Variants in HIKESHI observed in about 807,000 individuals in gnomAD.
The protein encoded by HIKESHI is protein Hikeshi.
A neutral mutation model predicts 25.7 loss-of-function variants in HIKESHI; 13 were observed. The observed-to-expected ratio is 0.51, with a 90% CI of 0.33 to 0.80. The LOEUF is 0.80. Ranked by LOEUF, HIKESHI falls within the 30% of genes least tolerant of loss-of-function variation. The probability of loss-of-function intolerance (pLI) is 0.02; values close to 1 mark genes in which losing one functional copy is unlikely to be tolerated. For missense variants in HIKESHI, 174 were observed against 229.5 expected (o/e 0.76, Z 1.56); for synonymous variants, 76 against 78.7 (o/e 0.97, Z 0.18).
At chr11:86,340,885 C>T (rs1947707147) in intron 3 of HIKESHI, among the ~76,000 whole-genome samples, 1 of 152,154 alleles carries the variant, frequency 6.6e-6, no homozygotes, top group Non-Finnish European at 1.5e-5. Flanking sequence ...CCTCGTGATC[C>T]ACCCACTTTG....
Position 86,310,160 on chromosome 11 carries a change from A to T in HIKESHI, c.268+3678A>T, listed in dbSNP as rs569057050. 2.3e-3 allele frequency among the ~76,000 whole-genome samples: 337 copies of T among 147,524 alleles called. 1 individual carries two copies. The highest frequency in any genetic ancestry group is 3.9e-3 in the Non-Finnish European group (263 of 66,996). On this transcript the variant is annotated intron_variant, in intron 2 of 4. Transcript: ENST00000278483. ...GAATCTATAAATTACCTTGGGCAGTATGGCCATTTTCACAATATTGATTCG... is the reference window on the plus strand; with the variant it reads ...GAATCTATAAATTACCTTGGGCAGTTTGGCCATTTTCACAATATTGATTCG...
chr11:86,342,940 T>C (rs1381298840), intron 3 of HIKESHI, among the ~76,000 whole-genome samples: 2 of 152,206 alleles, frequency 1.3e-5, no homozygotes, highest in Non-Finnish European at 2.9e-5. Flanking sequence ...TTTCATTAAA[T>C]AGTATTAGCT....
chr11:86,327,653 A>G (rs1258689996), intron 2 of HIKESHI, among the ~76,000 whole-genome samples: 1 of 152,042 alleles, frequency 6.6e-6, no homozygotes, highest in Non-Finnish European at 1.5e-5. Context: ...CAGGGAAGTT[A>G]ATTTTTTTGC....
chr11:86,319,242 A>ATATATATATATATATATATTTT (rs1383589741), intron 2 of HIKESHI, among the ~76,000 whole-genome samples: 14 of 94,934 alleles, frequency 1.5e-4, no homozygotes, highest in African/African-American at 6.5e-4. Flanking sequence ...ATATATATAT[A>ATATATATATATATATATATTTT]TTTTTTTTTT....
chr11:86,321,484 A>C (rs1456766571), intron 2 of HIKESHI, among the ~76,000 whole-genome samples: 2 of 151,722 alleles, frequency 1.3e-5, no homozygotes, highest in Non-Finnish European at 2.9e-5. Context: ...TAAATGTTTT[A>C]CCTTTTAAGA....
chr11:86,308,829 C>T (rs1463076474), intron 2 of HIKESHI, among the ~76,000 whole-genome samples: 1 of 151,822 alleles, frequency 6.6e-6, no homozygotes, highest in Non-Finnish European at 1.5e-5. Context: ...GTTTGGTTTT[C>T]TGTCCTTGCG....
rs1452706810 is a variant in HIKESHI, at chr11:86,306,340, A to G, written c.126A>G (p.Gly42=). 2 of 1,614,046 alleles carry G rather than the reference A, an allele frequency of 1.2e-6. No individual in the cohort carries two copies. The highest frequency in any genetic ancestry group is 2.2e-5 in the South Asian group (2 of 91,080). ...ACCATGTTGTGGTTTTTATGCTGGG[A>G]ACAATCCCATTTCCTGAGGGAATGG... ...SINHVVVFML[G]TIPFPEGMGG... is the part of the protein sequence containing the mutation. The change falls in exon 2 of 5, where the codon GGA becomes GGG. Residue 42 remains glycine, a synonymous_variant. Coordinates refer to ENST00000278483, the MANE Select transcript of HIKESHI (RefSeq NM_016401.4).
At chr11:86,305,181 G>T (rs886970853) in intron 1 of HIKESHI, among the ~76,000 whole-genome samples, 1 of 150,386 alleles carries the variant, frequency 6.6e-6, no homozygotes, top group Admixed American at 6.6e-5. Context: ...TGTAGTTTTT[G>T]TAGAGATCGG....
chr11:86,337,359 C>T lies in HIKESHI; in HGVS notation c.269-20C>T, dbSNP rs115288922. 2.4e-3 allele frequency: 3,935 copies of T among 1,606,184 alleles called. 93 individuals are homozygous for T. The African/African-American group carries it at 0.047, about 19-fold the overall frequency. On this transcript the variant is annotated intron_variant, in intron 2 of 4. Transcript: ENST00000278483. ...TACAAGTTTAATTTGAAATGTGTGT[C>T]ATATGTTAATTTCTTGCAGGAGAAG...
chr11:86,310,156 C>T (rs905935152), intron 2 of HIKESHI, among the ~76,000 whole-genome samples: 3 of 147,464 alleles, frequency 2.0e-5, no homozygotes, highest in Admixed American at 6.9e-5. Flanking sequence ...TTACCTTGGG[C>T]AGTATGGCCA....
At chr11:86,331,954 C>T (rs1243528093) in intron 2 of HIKESHI, among the ~76,000 whole-genome samples, 2 of 149,906 alleles carry the variant, frequency 1.3e-5, no homozygotes, top group African/African-American at 2.5e-5. Context: ...TAGTGAATTC[C>T]TTCCTTTTGC....
chr11:86,336,239 A>G lies in HIKESHI; in HGVS notation c.269-1140A>G, dbSNP rs1378154770. 2.0e-5 allele frequency among the ~76,000 whole-genome samples: 3 copies of G among 152,218 alleles called. No individual in the cohort carries two copies. The East Asian group carries it at 5.8e-4, about 29-fold the overall frequency. On this transcript the variant is annotated intron_variant, in intron 2 of 4. Coordinates refer to ENST00000278483, the MANE Select transcript of HIKESHI (RefSeq NM_016401.4). ...CTGTGAGACACCCTCAAGTGCACCA[A>G]CATGCACAGCAGACACAGTGTAATG... is the stretch of plus-strand genomic sequence containing the variant.
chr11:86,322,441 ATG>A (rs978968877), intron 2 of HIKESHI, among the ~76,000 whole-genome samples: 11 of 151,492 alleles, frequency 7.3e-5, no homozygotes, highest in East Asian at 1.9e-4. Flanking sequence ...GTATATGTAT[ATG>A]TGTGTGTGTG....
At chr11:86,307,987 TTA>T (rs1447056263) in intron 2 of HIKESHI, among the ~76,000 whole-genome samples, 1 of 115,500 alleles carries the variant, frequency 8.7e-6, no homozygotes, top group Non-Finnish European at 1.6e-5. Flanking sequence ...GTAATATATA[TTA>T]TATATAAAAT....
At chr11:86,315,126 G>A (rs1946940005) in intron 2 of HIKESHI, among the ~76,000 whole-genome samples, 2 of 152,116 alleles carry the variant, frequency 1.3e-5, no homozygotes, top group African/African-American at 4.8e-5. Flanking sequence ...GTATCTGTAA[G>A]TAGAAAAATA....
chr11:86,306,653 A>C (rs1946631288), intron 2 of HIKESHI, among the ~76,000 whole-genome samples, 171 bp downstream of exon 2: 2 of 152,112 alleles, frequency 1.3e-5, no homozygotes, highest in African/African-American at 4.8e-5. Flanking sequence ...AAATAGTGAA[A>C]GACTTCCTGG....
At chr11:86,330,442 A>C (rs1193639633) in intron 2 of HIKESHI, among the ~76,000 whole-genome samples, 1 of 152,220 alleles carries the variant, frequency 6.6e-6, no homozygotes, top group Non-Finnish European at 1.5e-5. Context: ...CATGCAAGGG[A>C]GTTAGATAAC....
chr11:86,318,296 T>C, intron 2 of HIKESHI, among the ~76,000 whole-genome samples: 1 of 23,526 alleles, frequency 4.3e-5, no homozygotes. Flanking sequence ...AGAGCAAGAC[T>C]CCGTCTCAAA....
chr11:86,316,709 T>A (rs1177937933), intron 2 of HIKESHI, among the ~76,000 whole-genome samples: 2 of 150,886 alleles, frequency 1.3e-5, no homozygotes, highest in Non-Finnish European at 3.0e-5. Context: ...GAGATTTTTT[T>A]ATTTAAAGGC....
Sources: allele counts gnomAD v4.1 joint callset (sites outside exome capture counted in the v4.1 genomes callset), GRCh38; gene constraint gnomAD v4.1.1; transcripts MANE v1.5; gene names NCBI Gene and HGNC (gene_info 2026-07-23, HGNC 2026-07-21).